The following SLIT3 variants were observed in gnomAD, a reference collection of about 807,000 sequenced individuals.
SLIT3 encodes slit homolog 3 protein.
Under a neutral mutation model 184.0 loss-of-function variants are expected in SLIT3, and 68 were observed. That is an observed-to-expected ratio of 0.37 (90% CI 0.30 to 0.45). The LOEUF (loss-of-function observed/expected upper bound fraction) is 0.45, where lower values mean the gene tolerates loss of function less well. Ranked by LOEUF, SLIT3 falls within the 20% of genes least tolerant of loss-of-function variation. The pLI is 1.00. For synonymous variants in SLIT3, 831 were observed against 828.6 expected, an observed-to-expected ratio of 1.00 and a Z score of -0.05; for missense variants, 1,707 against 2,026.0, an observed-to-expected ratio of 0.84 and a Z score of 3.02.
intron 4 of SLIT3, among the ~76,000 whole-genome samples, chr5:168,906,619 AG>A (rs1382753532): frequency 6.6e-6 from 1 of 152,150 alleles, no homozygotes; most frequent in Non-Finnish European, 1.5e-5. Flanking sequence ...TTGGGAGAAG[AG>A]GGTTTAGTGG....
intron 17 of SLIT3, 100 bp from the exon 18 acceptor site, chr5:168,753,198 T>C (rs904817396): frequency 7.6e-7 from 1 of 1,317,174 alleles, no homozygotes; most frequent in Non-Finnish European, 1.1e-6. Context: ...GAGATGCTTT[T>C]GCCAATTCTA....
At position 168,844,886 on chromosome 5, in the gene SLIT3, T is replaced by C. The variant is rs1169025595; in HGVS notation, c.486-231A>G. The C allele has an allele frequency of 8.3e-6, 4 of 479,974 alleles. No homozygotes were observed. In the Admixed American group the frequency reaches 1.4e-4, roughly 17 times the overall value. The allele number at this position is 479,974 out of a possible 1,614,324, so 29.7% of individuals were successfully genotyped here. ...AAAGGCTGTCAGGTCTCAGTAAATA[T>C]TAATTGCGCATTTTTTTTTTTTTTT... On this transcript the variant is annotated intron_variant, in intron 5 of 35. Coordinates refer to ENST00000519560, the MANE Select transcript of SLIT3 (RefSeq NM_003062.4).
intron 4 of SLIT3, among the ~76,000 whole-genome samples, chr5:168,975,777 G>A (rs150750478): frequency 1.3e-4 from 20 of 152,094 alleles, no homozygotes; most frequent in Admixed American, 7.9e-4. Context: ...ACCTCCTTCC[G>A]TTTCATTAGG....
intron 4 of SLIT3, among the ~76,000 whole-genome samples, chr5:168,968,165 T>C (rs1763279171): frequency 6.6e-6 from 1 of 152,168 alleles, no homozygotes; most frequent in Admixed American, 6.5e-5. Flanking sequence ...CCCTCTGCTT[T>C]CCCGGGTCAG....
intron 4 of SLIT3, among the ~76,000 whole-genome samples, chr5:169,030,823 G>T (rs1312603138): frequency 6.6e-6 from 1 of 152,170 alleles, no homozygotes; most frequent in East Asian, 1.9e-4. Context: ...GCCAATAAAA[G>T]CAACTTATTG....
chr5:168,777,064 A>AAC (rs556884651), intron 12 of SLIT3, among the ~76,000 whole-genome samples: 156 of 65,912 alleles, frequency 2.4e-3, no homozygotes, highest in Middle Eastern at 0.018. Context: ...AATTTCATAC[A>AAC]ACACACACAC....
At chr5:169,156,910 G>A (rs1762327633) in intron 4 of SLIT3, among the ~76,000 whole-genome samples, 2 of 152,198 alleles carry the variant, frequency 1.3e-5, no homozygotes, top group African/African-American at 4.8e-5. Flanking sequence ...GAATGACACA[G>A]ATGGTGGTGA....
intron 4 of SLIT3, among the ~76,000 whole-genome samples, chr5:169,031,249 C>T (rs553715478): frequency 1.2e-4 from 19 of 152,208 alleles, no homozygotes; most frequent in Admixed American, 1.2e-3. Context: ...ACCCCTCAGC[C>T]ATTTCATATT....
chr5:168,763,438 C>T (rs12516464), intron 14 of SLIT3, among the ~76,000 whole-genome samples: 77,920 of 151,900 alleles, frequency 0.51, 20,073 homozygotes, highest in East Asian at 0.62. Flanking sequence ...TAAAATGCCG[C>T]GAGGACGAGC....
chr5:168,785,604 T>C (rs965769812), intron 12 of SLIT3, among the ~76,000 whole-genome samples: 2 of 152,330 alleles, frequency 1.3e-5, no homozygotes, highest in South Asian at 4.1e-4. Context: ...TTTCTTTTTG[T>C]TGGATTTGAC....
chr5:169,044,792 T>C (rs1757570248), intron 4 of SLIT3, among the ~76,000 whole-genome samples: 1 of 152,208 alleles, frequency 6.6e-6, no homozygotes, highest in African/African-American at 2.4e-5. Context: ...CCAGGGTTGC[T>C]AGAAAGAGAA....
chr5:168,799,815 T>C (rs554136121), intron 9 of SLIT3, among the ~76,000 whole-genome samples: 2 of 152,368 alleles, frequency 1.3e-5, no homozygotes, highest in Admixed American at 1.3e-4. Context: ...AACCAAGTAG[T>C]ATTATTAATG....
At chr5:168,821,160 A>G (rs1757517899) in intron 7 of SLIT3, among the ~76,000 whole-genome samples, 4 of 152,118 alleles carry the variant, frequency 2.6e-5, no homozygotes. Context: ...TGACAACAGA[A>G]ACCAGTAGAA....
Position 168,671,480 on chromosome 5 carries a change from A to T in SLIT3, c.3845T>A (p.Ile1282Asn), listed in dbSNP as rs934549206. ...GINSPLYLGGIPTSTGLSALR... is the reference protein window; with the variant it reads ...GINSPLYLGGNPTSTGLSALR... ...GGCAGAGAGGCCGGTGGAGGTGGGGATGCCTGTGGGAGGGGAGCCAGGACA... is the reference window on the plus strand; with the variant it reads ...GGCAGAGAGGCCGGTGGAGGTGGGGTTGCCTGTGGGAGGGGAGCCAGGACA... The change falls in exon 34 of 36, where the codon ATC becomes AAC. Residue 1282 changes from isoleucine (I) to asparagine (N), a missense_variant. Ile to Asn is a moderately radical substitution (Grantham distance 149). Transcript: ENST00000519560. 3 of 1,609,548 alleles carry T rather than the reference A, an allele frequency of 1.9e-6. No homozygotes were observed. The highest frequency in any genetic ancestry group is 2.5e-6 in the Non-Finnish European group (3 of 1,178,118).
Position 169,106,195 on chromosome 5 carries a change from G to T in SLIT3, c.413+87284C>A, listed in dbSNP as rs982656533. Among the ~76,000 whole-genome samples the T allele has an allele frequency of 1.4e-4, 21 of 152,246 alleles. 1 individual carries two copies. Among genetic ancestry groups the T allele is most frequent in the Admixed American group, 4.6e-4 (7 of 15,302 alleles). Reference sequence around the variant, plus strand: ...ACCTGCACATCCTGCACCTGAACCCGGGAACTTCAAAGTTGAAGAAAAACA... The same window carrying T: ...ACCTGCACATCCTGCACCTGAACCCTGGAACTTCAAAGTTGAAGAAAAACA... On this transcript the variant is annotated intron_variant, in intron 4 of 35. Coordinates refer to ENST00000519560, the MANE Select transcript of SLIT3 (RefSeq NM_003062.4).
At chr5:169,105,919 C>T (rs1760190001) in intron 4 of SLIT3, among the ~76,000 whole-genome samples, 3 of 152,068 alleles carry the variant, frequency 2.0e-5, no homozygotes. Context: ...AGTGAACATA[C>T]ATGTGCATGT....
intron 2 of SLIT3, among the ~76,000 whole-genome samples, chr5:169,246,563 C>G (rs920381747): frequency 6.6e-6 from 1 of 152,084 alleles, no homozygotes; most frequent in Non-Finnish European, 1.5e-5. Flanking sequence ...AAAGTTCTTA[C>G]GAGAACAAAA....
chr5:168,901,269 C>A (rs144228303), intron 4 of SLIT3, among the ~76,000 whole-genome samples: 8 of 151,986 alleles, frequency 5.3e-5, no homozygotes, highest in Non-Finnish European at 1.2e-4. Context: ...GAGGCTGAGG[C>A]GGGAGAATGA....
chr5:168,711,683 G>T (rs996058059), intron 24 of SLIT3, among the ~76,000 whole-genome samples: 4 of 152,172 alleles, frequency 2.6e-5, no homozygotes, highest in African/African-American at 9.7e-5. Flanking sequence ...ACTGACAGAG[G>T]TGTATAAAAA....
Sources: gnomAD v4.1 joint callset for allele counts (sites outside exome capture counted in the v4.1 genomes callset) on GRCh38, gnomAD v4.1.1 for gene constraint, MANE v1.5 for transcripts, NCBI Gene and HGNC (gene_info 2026-07-23, HGNC 2026-07-21) for gene names.